PRKG2: variants seen among roughly 807,000 people sequenced by gnomAD.
PRKG2 encodes the protein protein kinase cGMP-dependent 2, also known as cGMP-dependent protein kinase 2.
A neutral mutation model predicts 97.2 loss-of-function variants in PRKG2; 33 were observed. That is an observed-to-expected ratio of 0.34 (90% CI 0.26 to 0.45). The LOEUF is 0.45. Among genes scored for constraint, PRKG2 ranks in the 20% least tolerant of loss-of-function variants. PRKG2 has a pLI of 1.00. For synonymous variants in PRKG2, 330 were observed against 321.8 expected, an observed-to-expected ratio of 1.03 and a Z score of -0.27; for missense variants, 638 against 900.0, an observed-to-expected ratio of 0.71 and a Z score of 3.73.
intron 18 of PRKG2, among the ~76,000 whole-genome samples, chr4:81,092,150 T>C (rs1375770839): frequency 6.6e-6 from 1 of 152,078 alleles, no homozygotes; most frequent in African/African-American, 2.4e-5. Context: ...GGGACTTAAG[T>C]GGCACTGACA....
At chr4:81,147,775 C>T (rs183872755) in intron 9 of PRKG2, among the ~76,000 whole-genome samples, 53 of 152,178 alleles carry the variant, frequency 3.5e-4, no homozygotes, top group African/African-American at 1.2e-3. Context: ...ATTAAAATAA[C>T]TCTAAGTGAT....
intron 8 of PRKG2, 67 bp from the exon 9 acceptor site, chr4:81,149,019 G>T: frequency 6.9e-7 from 1 of 1,456,496 alleles, no homozygotes; most frequent in Non-Finnish European, 9.6e-7. Flanking sequence ...TTTTATTAGG[G>T]AATGTACTAA....
At chr4:81,100,352 G>T (rs1050455559) in intron 17 of PRKG2, among the ~76,000 whole-genome samples, 2 of 152,130 alleles carry the variant, frequency 1.3e-5, no homozygotes, top group African/African-American at 4.8e-5. Context: ...CATGTTACTG[G>T]TACCAAAACA....
intron 6 of PRKG2, among the ~76,000 whole-genome samples, chr4:81,166,516 T>C (rs1027698628): frequency 1.3e-5 from 2 of 152,128 alleles, no homozygotes; most frequent in Admixed American, 6.6e-5. Flanking sequence ...ATCGTTAGAA[T>C]CCAAGGTACA....
intron 2 of PRKG2, among the ~76,000 whole-genome samples, chr4:81,201,623 T>C (rs1753320283): frequency 6.6e-6 from 1 of 152,206 alleles, no homozygotes; most frequent in Non-Finnish European, 1.5e-5. Context: ...TCACCACTTA[T>C]GATATATCTA....
chr4:81,114,899 C>T (rs1265892392), intron 14 of PRKG2, among the ~76,000 whole-genome samples: 1 of 152,038 alleles, frequency 6.6e-6, no homozygotes, highest in Admixed American at 6.6e-5. Context: ...TAAATCTTAA[C>T]ATATTTGATC....
chr4:81,142,399 A>ATGAAAATG (rs1257991397), intron 11 of PRKG2, among the ~76,000 whole-genome samples: 2 of 152,240 alleles, frequency 1.3e-5, no homozygotes, highest in Non-Finnish European at 2.9e-5. Context: ...TTTCACCTCT[A>ATGAAAATG]TGGCATTTTC....
chr4:81,091,573 A>C (rs1741539797), intron 18 of PRKG2, among the ~76,000 whole-genome samples: 1 of 152,052 alleles, frequency 6.6e-6, no homozygotes, highest in Non-Finnish European at 1.5e-5. Flanking sequence ...GTGAGCCACC[A>C]TGCCTGGCCT....
intron 2 of PRKG2, among the ~76,000 whole-genome samples, chr4:81,201,752 A>T (rs1753329022): frequency 1.3e-5 from 2 of 152,156 alleles, no homozygotes; most frequent in South Asian, 4.1e-4. Context: ...TGGGTGCTTC[A>T]TATCTCCCTA....
intron 14 of PRKG2, among the ~76,000 whole-genome samples, chr4:81,121,518 AC>A (rs1745069047): frequency 6.6e-6 from 1 of 152,108 alleles, no homozygotes; most frequent in African/African-American, 2.4e-5. Flanking sequence ...CTCTTGTGTG[AC>A]TTTTGACAGA....
At chr4:81,128,616 A>T (rs986562597) in intron 14 of PRKG2, among the ~76,000 whole-genome samples, 1 of 152,190 alleles carries the variant, frequency 6.6e-6, no homozygotes, top group African/African-American at 2.4e-5. Context: ...TTATTTGCGT[A>T]GAAGTGTTTA....
chr4:81,211,436 T>G (rs1187956180), intron 1 of PRKG2, among the ~76,000 whole-genome samples: 1 of 152,128 alleles, frequency 6.6e-6, no homozygotes, highest in Non-Finnish European at 1.5e-5. Flanking sequence ...GGCTGAAATG[T>G]GTGATGGATG....
At chr4:81,172,656 C>T (rs1750588775) in intron 3 of PRKG2, among the ~76,000 whole-genome samples, 2 of 152,018 alleles carry the variant, frequency 1.3e-5, no homozygotes, top group South Asian at 4.2e-4. Context: ...AAACCTTAAC[C>T]AACTAAAAGC....
At chr4:81,136,698 AG>A (rs1201839008) in intron 13 of PRKG2, among the ~76,000 whole-genome samples, 8 of 151,962 alleles carry the variant, frequency 5.3e-5, no homozygotes, top group Non-Finnish European at 7.4e-5. Flanking sequence ...CCCTCCTCGG[AG>A]CTCACCATCT....
intron 14 of PRKG2, among the ~76,000 whole-genome samples, chr4:81,122,927 C>A (rs1017141655): frequency 6.6e-6 from 1 of 152,226 alleles, no homozygotes; most frequent in Non-Finnish European, 1.5e-5. Context: ...TCAGAAGCCT[C>A]AGCTAAAACA....
intron 1 of PRKG2, among the ~76,000 whole-genome samples, chr4:81,213,936 C>T (rs111974946): frequency 0.035 from 5,284 of 152,182 alleles, 114 homozygotes; most frequent in Middle Eastern, 0.13. Context: ...GGAGAGGATG[C>T]ACTCTAATTC....
upstream of PRKG2, among the ~76,000 whole-genome samples, chr4:81,215,734 C>T (rs1754248196): frequency 6.6e-6 from 1 of 151,074 alleles, no homozygotes; most frequent in African/African-American, 2.4e-5. Flanking sequence ...CCATAACTTA[C>T]ATCTAGTTTG....
chr4:81,180,726 T>A (rs1260856579), intron 2 of PRKG2, among the ~76,000 whole-genome samples: 2 of 152,172 alleles, frequency 1.3e-5, no homozygotes, highest in East Asian at 1.9e-4. Flanking sequence ...CCAACAAAAA[T>A]TAGTAAATAG....
chr4:81,199,307 G>A (rs1753152284), intron 2 of PRKG2, among the ~76,000 whole-genome samples: 1 of 152,000 alleles, frequency 6.6e-6, no homozygotes, highest in Non-Finnish European at 1.5e-5. Context: ...AATAACAATA[G>A]CAGGGAGATT....
Sources: gnomAD v4.1 joint callset for allele counts (sites outside exome capture counted in the v4.1 genomes callset) on GRCh38, gnomAD v4.1.1 for gene constraint, MANE v1.5 for transcripts, NCBI Gene and HGNC (gene_info 2026-07-23, HGNC 2026-07-21) for gene names.